Variants in MECOM observed in about 807,000 individuals in gnomAD.
The protein encoded by MECOM is MDS1 and EVI1 complex locus.
A neutral mutation model predicts 116.3 loss-of-function variants in MECOM; 13 were observed. That is an observed-to-expected ratio of 0.11 (90% CI 0.07 to 0.18). The LOEUF is 0.18. Among genes scored for constraint, MECOM ranks in the 10% least tolerant of loss-of-function variants. The pLI is 1.00. For synonymous variants in MECOM, 528 were observed against 535.2 expected, an observed-to-expected ratio of 0.99 and a Z score of 0.19; for missense variants, 1,299 against 1,509.0, an observed-to-expected ratio of 0.86 and a Z score of 2.31.
At chr3:169,412,888 CTG>C (rs1013523366) in intron 1 of MECOM, among the ~76,000 whole-genome samples, 2 of 152,188 alleles carry the variant, frequency 1.3e-5, no homozygotes, top group African/African-American at 4.8e-5. Context: ...AGTTCAGTGA[CTG>C]TTGAATTTCA....
chr3:169,194,999 A>T (rs1039132502), intron 2 of MECOM, among the ~76,000 whole-genome samples: 3 of 152,044 alleles, frequency 2.0e-5, no homozygotes, highest in African/African-American at 7.2e-5. Flanking sequence ...TCTCAGCCAC[A>T]TACAGCTATA....
At chr3:169,134,079 G>A in intron 3 of MECOM, 1 of 506,742 alleles carries the variant, frequency 2.0e-6, no homozygotes, top group African/African-American at 2.0e-5. Flanking sequence ...GTCTCTATTG[G>A]GGAATACTAC....
At chr3:169,119,152 G>A (rs1039750277) in intron 7 of MECOM, among the ~76,000 whole-genome samples, 4 of 152,196 alleles carry the variant, frequency 2.6e-5, no homozygotes, top group Non-Finnish European at 4.4e-5. Context: ...GGGCTCAAGC[G>A]TGGCAGCACA....
At chr3:169,160,196 A>G (rs910658150) in intron 2 of MECOM, among the ~76,000 whole-genome samples, 1 of 152,168 alleles carries the variant, frequency 6.6e-6, no homozygotes, top group Admixed American at 6.5e-5. Context: ...GAATAACCAA[A>G]ATAAGTGATA....
At chr3:169,528,992 T>A (rs1389180641) in intron 1 of MECOM, among the ~76,000 whole-genome samples, 1 of 152,222 alleles carries the variant, frequency 6.6e-6, no homozygotes, top group Non-Finnish European at 1.5e-5. Flanking sequence ...AACCTCACTT[T>A]TTTCCCATTT....
intron 1 of MECOM, among the ~76,000 whole-genome samples, chr3:169,436,499 T>G (rs1453238795): frequency 6.6e-6 from 1 of 152,096 alleles, no homozygotes; most frequent in Non-Finnish European, 1.5e-5. Flanking sequence ...ATCTGCCTGC[T>G]TCAGCCTCCC....
At chr3:169,643,920 A>G (rs1773811068) in intron 1 of MECOM, among the ~76,000 whole-genome samples, 1 of 152,228 alleles carries the variant, frequency 6.6e-6, no homozygotes, top group South Asian at 2.1e-4. Context: ...ACTGCCTCTG[A>G]TAGCAACAAA....
At chr3:169,530,644 AGAG>A (rs1165504548) in intron 1 of MECOM, among the ~76,000 whole-genome samples, 4 of 152,182 alleles carry the variant, frequency 2.6e-5, no homozygotes, top group African/African-American at 9.6e-5. Context: ...GTAGAGAGAG[AGAG>A]GAGGAGCGTA....
In MECOM at chr3:169,315,118, C is replaced by T. The variant is rs145643397; in HGVS notation, c.375+66069G>A. On this transcript the variant is annotated intron_variant, in intron 2 of 16. Transcript: ENST00000651503. The stretch of plus-strand genomic sequence containing the variant: ...TGATCCTCAGACCCAGTGCCACCCA[C>T]GCTGCTTTTGCAATCCAGATATGCC... Among the ~76,000 whole-genome samples the T allele has an allele frequency of 3.8e-3, 585 of 152,260 alleles. 6 individuals carry two copies. Among genetic ancestry groups the T allele is most frequent in the East Asian group, 0.019 (99 of 5,166 alleles).
chr3:169,566,042 T>C, intron 1 of MECOM: 2 of 413,210 alleles, frequency 4.8e-6, no homozygotes, highest in South Asian at 3.7e-5. Context: ...AAGGACCTTC[T>C]TCACATGGAG....
chr3:169,085,303 T>C (rs1482028360), intron 16 of MECOM, among the ~76,000 whole-genome samples: 1 of 152,140 alleles, frequency 6.6e-6, no homozygotes, highest in African/African-American at 2.4e-5. Context: ...AGTGCTTCCA[T>C]TGAGAAAAAT....
intron 2 of MECOM, among the ~76,000 whole-genome samples, chr3:169,170,254 T>C (rs1577239964): frequency 6.6e-6 from 1 of 151,592 alleles, no homozygotes. Context: ...CTACTAAAAA[T>C]ACAAATATTA....
At chr3:169,276,381 G>A (rs1384184690) in intron 2 of MECOM, among the ~76,000 whole-genome samples, 5 of 151,756 alleles carry the variant, frequency 3.3e-5, no homozygotes, top group African/African-American at 1.2e-4. Context: ...GTGAAACCCC[G>A]TCTCTATTAA....
At chr3:169,487,972 TTTGGAATTTATAGGCATAAATAAA>T (rs1180696739) in intron 1 of MECOM, among the ~76,000 whole-genome samples, 2 of 152,124 alleles carry the variant, frequency 1.3e-5, no homozygotes, top group Non-Finnish European at 2.9e-5. Flanking sequence ...AGATACAGTG[TTTGGAATTTATAGGCATAAATAAA>T]TTGGAATTTA....
intron 2 of MECOM, among the ~76,000 whole-genome samples, chr3:169,258,755 A>C (rs1235629701): frequency 6.6e-6 from 1 of 152,216 alleles, no homozygotes; most frequent in Non-Finnish European, 1.5e-5. Flanking sequence ...CACTAAATAA[A>C]AGTGTTGTTA....
Position 169,415,002 on chromosome 3 carries a change from G to A in MECOM, c.38-33478C>T, listed in dbSNP as rs111991822. 1.9e-3 allele frequency among the ~76,000 whole-genome samples: 285 copies of A among 152,274 alleles called. 5 individuals carry two copies. The East Asian group carries it at 0.048, about 26-fold the overall frequency. On this transcript the variant is annotated intron_variant, in intron 1 of 16. Transcript: ENST00000651503. ...GAACTTCTGCAACCTAGCAAGACAA[G>A]CTAACATTCAAATTCAGGAAATACA...
At chr3:169,354,324 T>G (rs1284971042) in intron 2 of MECOM, among the ~76,000 whole-genome samples, 2 of 151,844 alleles carry the variant, frequency 1.3e-5, no homozygotes, top group Non-Finnish European at 2.9e-5. Flanking sequence ...ATGTTAAATC[T>G]CAAAAACCTA....
At chr3:169,481,070 T>C (rs1751209323) in intron 1 of MECOM, among the ~76,000 whole-genome samples, 1 of 151,988 alleles carries the variant, frequency 6.6e-6, no homozygotes, top group Non-Finnish European at 1.5e-5. Context: ...TAAAAATAAA[T>C]AACACCTGCC....
intron 1 of MECOM, among the ~76,000 whole-genome samples, chr3:169,485,726 A>G (rs114983809): frequency 0.01 from 1,551 of 151,516 alleles, 11 homozygotes; most frequent in South Asian, 0.019. Flanking sequence ...TTCACCTTCA[A>G]AAAGGCAATT....
Sources: gnomAD v4.1 joint callset for allele counts (sites outside exome capture counted in the v4.1 genomes callset) on GRCh38, gnomAD v4.1.1 for gene constraint, MANE v1.5 for transcripts, NCBI Gene and HGNC (gene_info 2026-07-23, HGNC 2026-07-21) for gene names.